SHISA6: variants seen among roughly 807,000 people sequenced by gnomAD.
SHISA6 encodes the protein protein shisa-6.
Under a neutral mutation model 47.9 loss-of-function variants are expected in SHISA6, and 22 were observed. The observed-to-expected ratio is 0.46, with a 90% CI of 0.33 to 0.66. SHISA6 has a LOEUF of 0.66. Among genes scored for constraint, SHISA6 ranks in the 30% least tolerant of loss-of-function variants. The pLI is 0.02. For missense variants in SHISA6, 680 were observed against 764.6 expected, an observed-to-expected ratio of 0.89 and a Z score of 1.30; for synonymous variants, 388 against 337.8, an observed-to-expected ratio of 1.15 and a Z score of -1.63.
intron 2 of SHISA6, among the ~76,000 whole-genome samples, chr17:11,340,128 C>T (rs1228863723): frequency 6.6e-6 from 1 of 151,848 alleles, no homozygotes; most frequent in African/African-American, 2.4e-5. Context: ...CTCAGTGATC[C>T]TATAAATATA....
intron 3 of SHISA6, among the ~76,000 whole-genome samples, chr17:11,464,973 G>C (rs956246549): frequency 1.3e-5 from 2 of 151,568 alleles, no homozygotes; most frequent in African/African-American, 4.8e-5. Flanking sequence ...TAAGCACCAG[G>C]TTCATGCTAT....
At chr17:11,354,460 T>C (rs1241452111) in intron 2 of SHISA6, among the ~76,000 whole-genome samples, 1 of 152,178 alleles carries the variant, frequency 6.6e-6, no homozygotes, top group Non-Finnish European at 1.5e-5. Context: ...TGTATCAACA[T>C]GGACATCCAC....
intron 2 of SHISA6, among the ~76,000 whole-genome samples, chr17:11,269,394 C>T (rs1428861307): frequency 6.6e-6 from 1 of 152,068 alleles, no homozygotes; most frequent in Non-Finnish European, 1.5e-5. Flanking sequence ...TGGGGCTGAC[C>T]CAGAACTCCA....
chr17:11,338,206 G>A (rs982995228), intron 2 of SHISA6, among the ~76,000 whole-genome samples: 11 of 152,094 alleles, frequency 7.2e-5, no homozygotes, highest in Non-Finnish European at 1.0e-4. Flanking sequence ...TAGGAGTTTG[G>A]CATGCATCTG....
At chr17:11,264,114 C>G (rs1294211179) in intron 2 of SHISA6, among the ~76,000 whole-genome samples, 1 of 152,084 alleles carries the variant, frequency 6.6e-6, no homozygotes, top group East Asian at 1.9e-4. Flanking sequence ...TTTTCCTTGT[C>G]TTACGGGTCA....
chr17:11,332,279 C>T (rs894810878), intron 2 of SHISA6, among the ~76,000 whole-genome samples: 1 of 151,862 alleles, frequency 6.6e-6, no homozygotes, highest in African/African-American at 2.4e-5. Flanking sequence ...ATGTGTTTAC[C>T]TTCCTCAGCT....
intron 2 of SHISA6, among the ~76,000 whole-genome samples, chr17:11,359,410 C>T (rs768010557): frequency 1.3e-5 from 2 of 152,216 alleles, no homozygotes; most frequent in African/African-American, 2.4e-5. Flanking sequence ...CAATACATCT[C>T]ATGGCTGCAG....
In SHISA6 at chr17:11,499,331, G is replaced by A. The variant is rs79536949; in HGVS notation, c.896-52565G>A. Among the ~76,000 whole-genome samples the A allele has an allele frequency of 7.9e-3, 1,208 of 152,178 alleles. 20 individuals are homozygous for A. Among genetic ancestry groups the A allele is most frequent in the African/African-American group, 0.028 (1,149 of 41,514 alleles). ...AGCAGAATGACGCCACTTGGGGAGT[G>A]GACTATAAAGCACCATTATCCCCTT... On this transcript the variant is annotated intron_variant, in intron 3 of 5. Coordinates refer to ENST00000441885, the MANE Select transcript of SHISA6 (RefSeq NM_207386.4).
intron 3 of SHISA6, among the ~76,000 whole-genome samples, chr17:11,513,061 A>G (rs1597561256): frequency 6.6e-6 from 1 of 152,076 alleles, no homozygotes; most frequent in African/African-American, 2.4e-5. Context: ...TATTTTCAGA[A>G]ATTTTATAGT....
At chr17:11,555,957 A>G (rs1250852605) in intron 5 of SHISA6, 65 bp downstream of exon 5, 1 of 1,456,290 alleles carries the variant, frequency 6.9e-7, no homozygotes, top group Non-Finnish European at 9.1e-7. Context: ...CCTATGTCAC[A>G]CTCTCTTGCT....
chr17:11,296,645 T>C (rs1390072459), intron 2 of SHISA6, among the ~76,000 whole-genome samples: 1 of 152,006 alleles, frequency 6.6e-6, no homozygotes, highest in Non-Finnish European at 1.5e-5. Flanking sequence ...AATATAAATG[T>C]GAGTATCTTC....
At chr17:11,247,256 G>A (rs532063099) in intron 1 of SHISA6, among the ~76,000 whole-genome samples, 5 of 152,294 alleles carry the variant, frequency 3.3e-5, no homozygotes, top group South Asian at 2.1e-4. Context: ...ACAGTCCTAC[G>A]GATCCGGAAT....
intron 2 of SHISA6, among the ~76,000 whole-genome samples, chr17:11,374,478 T>A (rs1036775519): frequency 1.3e-5 from 2 of 152,096 alleles, no homozygotes; most frequent in Admixed American, 6.5e-5. Flanking sequence ...TTTTTTTGTA[T>A]TTAGCTTCTT....
chr17:11,267,022 C>T (rs1908449613), intron 2 of SHISA6, among the ~76,000 whole-genome samples: 1 of 152,214 alleles, frequency 6.6e-6, no homozygotes, highest in South Asian at 2.1e-4. Flanking sequence ...CTGCTAGGCA[C>T]TTTATGCGTA....
intron 3 of SHISA6, among the ~76,000 whole-genome samples, chr17:11,457,949 G>C (rs1019200628): frequency 4.6e-5 from 7 of 151,484 alleles, no homozygotes; most frequent in African/African-American, 1.7e-4. Context: ...GCCGGGCTTA[G>C]TGGCGGGTGC....
intron 3 of SHISA6, among the ~76,000 whole-genome samples, chr17:11,481,366 GTATA>G (rs768989352): frequency 0.078 from 8,564 of 110,150 alleles, 317 homozygotes; most frequent in Middle Eastern, 0.11. Context: ...GTGTGTGTGT[GTATA>G]TATATATATA....
chr17:11,453,685 G>A (rs1915460511), intron 3 of SHISA6, among the ~76,000 whole-genome samples: 1 of 152,054 alleles, frequency 6.6e-6, no homozygotes, highest in Non-Finnish European at 1.5e-5. Context: ...ATTAAAATTA[G>A]CTTTTGGTGG....
chr17:11,318,503 C>T (rs1910597386), intron 2 of SHISA6, among the ~76,000 whole-genome samples: 1 of 152,130 alleles, frequency 6.6e-6, no homozygotes, highest in Non-Finnish European at 1.5e-5. Flanking sequence ...TCAATGTGAG[C>T]CTGTCCCCTG....
At chr17:11,247,622 G>T (rs1440098029) in intron 1 of SHISA6, among the ~76,000 whole-genome samples, 1 of 152,140 alleles carries the variant, frequency 6.6e-6, no homozygotes, top group East Asian at 1.9e-4. Flanking sequence ...GGTGGTGGGA[G>T]GGGTTGTGCT....
Sources: allele counts gnomAD v4.1 joint callset (sites outside exome capture counted in the v4.1 genomes callset), GRCh38; gene constraint gnomAD v4.1.1; transcripts MANE v1.5; gene names NCBI Gene and HGNC (gene_info 2026-07-23, HGNC 2026-07-21).